DLGAP1: variants seen among roughly 807,000 people sequenced by gnomAD.
DLGAP1 encodes disks large-associated protein 1.
Under a neutral mutation model 90.8 loss-of-function variants are expected in DLGAP1, and 11 were observed. That is an observed-to-expected ratio of 0.12 (90% CI 0.08 to 0.20). The LOEUF is 0.20. Among genes scored for constraint, DLGAP1 ranks in the 10% least tolerant of loss-of-function variants. The pLI is 1.00. For synonymous variants in DLGAP1, 558 were observed against 540.7 expected (o/e 1.03, Z -0.44); for missense variants, 1,050 against 1,333.8 (o/e 0.79, Z 3.31).
intron 4 of DLGAP1, among the ~76,000 whole-genome samples, chr18:3,818,899 G>A (rs538878151): frequency 6.6e-6 from 1 of 151,988 alleles, no homozygotes; most frequent in East Asian, 2.0e-4. Flanking sequence ...CAGCCAGGAT[G>A]AGAATGCTTT....
At chr18:3,889,585 C>T (rs780609647) in intron 3 of DLGAP1, among the ~76,000 whole-genome samples, 1 of 152,176 alleles carries the variant, frequency 6.6e-6, no homozygotes, top group Non-Finnish European at 1.5e-5. Flanking sequence ...TCAGCTGACA[C>T]CTGCTTTTGG....
intron 1 of DLGAP1, among the ~76,000 whole-genome samples, chr18:4,374,206 T>C (rs2081972825): frequency 6.6e-6 from 1 of 152,112 alleles, no homozygotes; most frequent in African/African-American, 2.4e-5. Context: ...CACATATCAC[T>C]GTCTAGAGGA....
chr18:4,225,146 C>T (rs1006578335), intron 1 of DLGAP1, among the ~76,000 whole-genome samples: 1 of 152,034 alleles, frequency 6.6e-6, no homozygotes, highest in Admixed American at 6.6e-5. Flanking sequence ...GCATTTAAAC[C>T]AGCTCTAGCC....
intron 3 of DLGAP1, among the ~76,000 whole-genome samples, chr18:3,937,824 T>G (rs192325109): frequency 6.9e-4 from 105 of 152,290 alleles, no homozygotes; most frequent in South Asian, 1.7e-3. Flanking sequence ...CGATTAAGCG[T>G]GAGGGCTTTG....
intron 1 of DLGAP1, among the ~76,000 whole-genome samples, chr18:4,254,478 G>A (rs2078847747): frequency 6.6e-6 from 1 of 152,166 alleles, no homozygotes; most frequent in South Asian, 2.1e-4. Context: ...ATTGAGTCAG[G>A]TCGAATATCT....
chr18:3,839,316 A>AG (rs1008515066), intron 4 of DLGAP1, among the ~76,000 whole-genome samples: 1 of 152,148 alleles, frequency 6.6e-6, no homozygotes, highest in African/African-American at 2.4e-5. Flanking sequence ...ATTTGTCTCT[A>AG]GGGGGTCTAC....
At chr18:3,980,830 A>G (rs1301968146) in intron 3 of DLGAP1, among the ~76,000 whole-genome samples, 1 of 152,246 alleles carries the variant, frequency 6.6e-6, no homozygotes, top group East Asian at 1.9e-4. Flanking sequence ...ATTCATATAC[A>G]TATATCAAGC....
At chr18:4,130,751 G>T (rs917313689) in intron 2 of DLGAP1, among the ~76,000 whole-genome samples, 2 of 152,062 alleles carry the variant, frequency 1.3e-5, no homozygotes, top group African/African-American at 4.8e-5. Context: ...AGAAAGAGCC[G>T]AGGGAGCCGT....
chr18:3,567,709 C>T, intron 8 of DLGAP1, 128 bp from the exon 9 acceptor site: 1 of 818,216 alleles, frequency 1.2e-6, no homozygotes, highest in Non-Finnish European at 2.0e-6. Context: ...CCTCCTTGTT[C>T]AATATTTGTG....
chr18:4,326,308 G>A (rs2080815894), intron 1 of DLGAP1, among the ~76,000 whole-genome samples: 1 of 152,038 alleles, frequency 6.6e-6, no homozygotes, highest in Non-Finnish European at 1.5e-5. Context: ...CTGTCTCACA[G>A]ATGTCAGAAT....
intron 4 of DLGAP1, among the ~76,000 whole-genome samples, chr18:3,870,122 A>C (rs972371252): frequency 3.9e-5 from 6 of 152,194 alleles, no homozygotes; most frequent in African/African-American, 1.4e-4. Flanking sequence ...TGGGTTACTT[A>C]AAATGCAGTT....
In DLGAP1 at chr18:3,635,229, C is replaced by T. The variant is rs978920689; in HGVS notation, c.1592-52981G>A. Among the ~76,000 whole-genome samples, 5 of 151,560 alleles carry T rather than the reference C, an allele frequency of 3.3e-5. No homozygotes were observed. The South Asian group carries it at 8.3e-4, about 25-fold the overall frequency. On this transcript the variant is annotated intron_variant, in intron 7 of 12. Coordinates refer to ENST00000315677, the MANE Select transcript of DLGAP1 (RefSeq NM_004746.4). ...CACTGCAAGCTCCGCCTCCCGGGTT[C>T]ACGCCATTCTCCTGCCTCAGCCTCC... is the stretch of plus-strand genomic sequence containing the variant.
Position 3,842,117 on chromosome 18 carries a change from G to C in DLGAP1, c.958-27844C>G, listed in dbSNP as rs183373036. 1.3e-3 allele frequency among the ~76,000 whole-genome samples: 200 copies of C among 151,758 alleles called. 1 individual carries two copies. Among genetic ancestry groups the C allele is most frequent in the African/African-American group, 4.6e-3 (189 of 41,382 alleles). ...GGGAAGAGAGGAGTTTGGCAGGGGT[G>C]GGGGGTGAGGGGTGGAGGGGGTTGT... On this transcript the variant is annotated intron_variant, in intron 4 of 12. Transcript: ENST00000315677.
At chr18:4,166,047 C>G (rs769871696) in intron 1 of DLGAP1, among the ~76,000 whole-genome samples, 8 of 151,890 alleles carry the variant, frequency 5.3e-5, no homozygotes, top group Non-Finnish European at 1.2e-4. Context: ...CAGTACTAGC[C>G]ACTCAGGAGC....
intron 5 of DLGAP1, among the ~76,000 whole-genome samples, chr18:3,769,204 C>T (rs2147990005): frequency 6.6e-6 from 1 of 152,198 alleles, no homozygotes; most frequent in Non-Finnish European, 1.5e-5. Context: ...GATAGTACTC[C>T]ACTCCTATCA....
chr18:4,279,601 G>A lies in DLGAP1; in HGVS notation c.-266-128314C>T, dbSNP rs2079502061. 3.3e-5 allele frequency among the ~76,000 whole-genome samples: 5 copies of A among 152,136 alleles called. No homozygotes were observed. The South Asian group carries it at 1.0e-3, about 32-fold the overall frequency. Reference sequence around the variant, plus strand: ...TCCCTCTAGCTCAACAAACACCTGCGTGCCTATATGTCCAATTACAACAGT... The same window carrying A: ...TCCCTCTAGCTCAACAAACACCTGCATGCCTATATGTCCAATTACAACAGT... On this transcript the variant is annotated intron_variant, in intron 1 of 12. Transcript: ENST00000315677.
At chr18:3,592,843 CAAAAAAAAAAAA>C (rs56871583) in intron 7 of DLGAP1, among the ~76,000 whole-genome samples, 2 of 42,582 alleles carry the variant, frequency 4.7e-5, no homozygotes, top group East Asian at 7.8e-4. Context: ...GACCCTGCCT[CAAAAAAAAAAAA>C]AAAAAAAAAA....
In DLGAP1 at chr18:3,526,588, A is replaced by C. The variant is rs1389961221; in HGVS notation, c.2479+7606T>G. Among the ~76,000 whole-genome samples the C allele has an allele frequency of 6.6e-6, 1 of 152,238 alleles. No homozygotes were observed. Among genetic ancestry groups the C allele is most frequent in the African/African-American group, 2.4e-5 (1 of 41,460 alleles). On this transcript the variant is annotated intron_variant, in intron 10 of 12. Transcript: ENST00000315677. This position sits in a 1 kb window ranked among gnomAD's most constrained non-coding sequence, Gnocchi z 4.7. The stretch of plus-strand genomic sequence containing the variant: ...TAGGTTTATCAGTTTGTTTCAGATA[A>C]AGCCTGAAAATTCCACGTATTTGTT...
intron 6 of DLGAP1, among the ~76,000 whole-genome samples, chr18:3,733,084 T>A (rs2062504061): frequency 6.6e-6 from 1 of 152,330 alleles, no homozygotes; most frequent in South Asian, 2.1e-4. Flanking sequence ...CCATAGTATA[T>A]GCACAGAAAA....
Sources: gnomAD v4.1 joint callset for allele counts (sites outside exome capture counted in the v4.1 genomes callset) on GRCh38, gnomAD v4.1.1 for gene constraint, Gnocchi (gnomAD v3.1) non-coding constraint, MANE v1.5 for transcripts, NCBI Gene and HGNC (gene_info 2026-07-23, HGNC 2026-07-21) for gene names.